Variants in SLC35A3 observed in about 807,000 individuals in gnomAD.
SLC35A3 encodes the protein UDP-N-acetylglucosamine transporter.
Under a neutral mutation model 39.0 loss-of-function variants are expected in SLC35A3, and 26 were observed. That is an observed-to-expected ratio of 0.67 (90% CI 0.49 to 0.92). The LOEUF (loss-of-function observed/expected upper bound fraction) is 0.92, where lower values mean the gene tolerates loss of function less well. Ranked by LOEUF, SLC35A3 falls within the 40% of genes least tolerant of loss-of-function variation. The pLI, the probability that SLC35A3 is intolerant of heterozygous loss-of-function variation, is 0.00. For missense variants in SLC35A3, 299 were observed against 371.6 expected (o/e 0.80, Z 1.61); for synonymous variants, 135 against 133.1 (o/e 1.01, Z -0.10).
In SLC35A3 at chr1:100,007,103, G is replaced by A; in HGVS notation, c.412G>A (p.Val138Ile). 6.2e-7 allele frequency: 1 copy of A among 1,612,584 alleles called. No homozygotes were observed. ...GTCTATGCTTAGTAAAAAATTGGGTGTATACCAGTGGCTGTCCCTAGTAAT... is the reference window on the plus strand; with the variant it reads ...GTCTATGCTTAGTAAAAAATTGGGTATATACCAGTGGCTGTCCCTAGTAAT... ...SVSMLSKKLG[V>I]YQWLSLVILM... The change falls in exon 4 of 8, where the codon GTA (valine) becomes ATA (isoleucine). Residue 138 changes from valine to isoleucine, a missense_variant. Physicochemically the swap from Val to Ile is conservative, Grantham distance 29. Transcript: ENST00000533028.
chr1:99,976,546 G>A (rs1570562440), intron 1 of SLC35A3, among the ~76,000 whole-genome samples: 1 of 152,092 alleles, frequency 6.6e-6, no homozygotes, highest in African/African-American at 2.4e-5. Flanking sequence ...CAATAGCAAA[G>A]ACATAGAATC....
At chr1:100,006,972 A>G in intron 3 of SLC35A3, 62 bp from the exon 4 acceptor site, 3 of 1,496,612 alleles carry the variant, frequency 2.0e-6, no homozygotes, top group Non-Finnish European at 2.7e-6. Flanking sequence ...TTCTAATAGT[A>G]CTCTTAAGGA....
chr1:100,015,775 T>C (rs2101430516), intron 6 of SLC35A3: 1 of 222,776 alleles, frequency 4.5e-6, no homozygotes, highest in East Asian at 9.2e-5. Context: ...GATCTAGATA[T>C]TTAATTCTGT....
At chr1:100,018,593 G>C (rs1051912335) in intron 7 of SLC35A3, among the ~76,000 whole-genome samples, 1 of 152,098 alleles carries the variant, frequency 6.6e-6, no homozygotes, top group African/African-American at 2.4e-5. Context: ...GCAGTGGCGT[G>C]ATCGTAGCCC....
intron 2 of SLC35A3, among the ~76,000 whole-genome samples, chr1:99,995,447 C>T (rs1658351620): frequency 6.6e-6 from 1 of 152,060 alleles, no homozygotes; most frequent in South Asian, 2.1e-4. Context: ...GCCACCACAC[C>T]TGGCCCTTTT....
Position 100,027,194 on chromosome 1 carries a change from G to C in SLC35A3, c.*4718G>C. 1 of 398,592 alleles carries C rather than the reference G, an allele frequency of 2.5e-6. No individual in the cohort carries two copies. The highest frequency in any genetic ancestry group is 4.4e-6 in the Non-Finnish European group (1 of 226,068). 24.7% of individuals were successfully genotyped at this position (398,592 alleles called of 1,614,324 possible). A position where few individuals can be genotyped will look rare whatever the true frequency, so the allele number is the denominator to read the frequency against. ...TGGCCAGGTGCAGTGGCTCATTCCT[G>C]TAATCCCAACACTTTAGGAAGCCAA... is the stretch of plus-strand genomic sequence containing the variant. On this transcript the variant is annotated 3_prime_UTR_variant, in exon 8 of 8. Coordinates refer to ENST00000533028, the MANE Select transcript of SLC35A3 (RefSeq NM_012243.3).
rs144002752 is a variant in SLC35A3 at position 100,035,192 on chromosome 1, C to A, written c.*12716C>A. The A allele has an allele frequency of 6.6e-6, 1 of 152,270 alleles. No homozygotes were observed. Among genetic ancestry groups the A allele is most frequent in the East Asian group, 1.9e-4 (1 of 5,186 alleles). The allele number at this position is 152,270 out of a possible 1,614,324, so 9.4% of individuals were successfully genotyped here. ...GGTTATCATCCTCCCCATACATCAT[C>A]TCTAGATTATTTATAGTACTTAATA... On this transcript the variant is annotated 3_prime_UTR_variant, in exon 8 of 8. Transcript: ENST00000533028.
intron 3 of SLC35A3, among the ~76,000 whole-genome samples, chr1:100,006,631 G>T (rs1659250427): frequency 6.6e-6 from 1 of 152,154 alleles, no homozygotes; most frequent in Non-Finnish European, 1.5e-5. Flanking sequence ...CTGGAGGCCT[G>T]TGCAAGGACA....
chr1:99,980,736 T>TAA (rs140666492), intron 1 of SLC35A3, among the ~76,000 whole-genome samples: 15,999 of 152,182 alleles, frequency 0.11, 1,344 homozygotes, highest in African/African-American at 0.23. Flanking sequence ...CTGTAAGTTA[T>TAA]AGAGTTGGTT....
At chr1:100,016,278 A>G (rs1660105981) in intron 6 of SLC35A3, among the ~76,000 whole-genome samples, 1 of 151,312 alleles carries the variant, frequency 6.6e-6, no homozygotes, top group African/African-American at 2.4e-5. Context: ...GTTAGCCAGG[A>G]TGATCTCGAT....
In SLC35A3 at chr1:100,017,726, T is replaced by C. The variant is rs750680399; in HGVS notation, c.798T>C (p.Asp266=). Residue 266 remains aspartate (D), a synonymous_variant, in exon 7 of 8, where the codon GAT becomes GAC. Coordinates refer to ENST00000533028, the MANE Select transcript of SLC35A3 (RefSeq NM_012243.3). ...TAGCTGCTGTTATTAAGTATGCAGA[T>C]AATATTTTAAAAGGATTTGCAACCT... ...LVIAAVIKYA[D]NILKGFATSL... The C allele has an allele frequency of 4.4e-6, 7 of 1,577,518 alleles. No individual in the cohort carries two copies. Among genetic ancestry groups the C allele is most frequent in the Non-Finnish European group, 6.0e-6 (7 of 1,163,000 alleles).
intron 1 of SLC35A3, among the ~76,000 whole-genome samples, chr1:99,979,440 T>A (rs1657313605): frequency 6.6e-6 from 1 of 150,518 alleles, no homozygotes; most frequent in Admixed American, 6.6e-5. Context: ...CTTTTTTTTT[T>A]TTTTTTTATT....
Position 100,033,017 on chromosome 1 carries a change from T to C in SLC35A3, c.*10541T>C, listed in dbSNP as rs2101559627. 1 of 152,358 alleles carries C rather than the reference T, an allele frequency of 6.6e-6. No individual in the cohort carries two copies. Among genetic ancestry groups the C allele is most frequent in the Non-Finnish European group, 1.5e-5 (1 of 68,034 alleles). The allele number at this position is 152,358 out of a possible 1,614,324, so 9.4% of individuals were successfully genotyped here. A position where few individuals can be genotyped will look rare whatever the true frequency, so the allele number is the denominator to read the frequency against. ...GAGTGGGATTTATTTAATTTTTTCT[T>C]TGGAGTCCTTCTAGCCAGTGAATGG... is the stretch of plus-strand genomic sequence containing the variant. On this transcript the variant is annotated 3_prime_UTR_variant, in exon 8 of 8. Transcript: ENST00000533028.
At chr1:100,014,329 T>A (rs995456347) in intron 5 of SLC35A3, among the ~76,000 whole-genome samples, 8 of 152,210 alleles carry the variant, frequency 5.3e-5, no homozygotes, top group Admixed American at 2.0e-4. Context: ...CAAGTGATTG[T>A]CCCTCCTCAG....
intron 1 of SLC35A3, chr1:99,993,008 G>C (rs1658177932): frequency 6.5e-6 from 1 of 152,720 alleles, no homozygotes; most frequent in African/African-American, 2.4e-5. Context: ...AGGATGGTCA[G>C]TAAAGTTCTT....
chr1:100,025,800 A>G lies in SLC35A3; in HGVS notation c.*3324A>G, dbSNP rs1429723529. ...TATACTTTTTATTTGTTATCACGCA[A>G]CTACTTTGTTCAATGTGAAAATGTG... On this transcript the variant is annotated 3_prime_UTR_variant, in exon 8 of 8. Coordinates refer to ENST00000533028, the MANE Select transcript of SLC35A3 (RefSeq NM_012243.3). 1 of 152,170 alleles carries G rather than the reference A, an allele frequency of 6.6e-6. No individual in the cohort carries two copies. Among genetic ancestry groups the G allele is most frequent in the Non-Finnish European group, 1.5e-5 (1 of 68,022 alleles). 9.4% of individuals were successfully genotyped at this position (152,170 alleles called of 1,614,324 possible).
intron 1 of SLC35A3, 196 bp downstream of exon 1, chr1:99,970,358 C>CGG: frequency 3.4e-6 from 2 of 591,244 alleles, no homozygotes; most frequent in Non-Finnish European, 6.0e-6. Flanking sequence ...GATGAGGTGA[C>CGG]ACGTTGTAAC....
At chr1:99,973,757 C>T (rs1283246858) in intron 1 of SLC35A3, among the ~76,000 whole-genome samples, 6 of 152,224 alleles carry the variant, frequency 3.9e-5, no homozygotes, top group Non-Finnish European at 8.8e-5. Context: ...TGGCTCATGC[C>T]TGTAATCCCA....
intron 1 of SLC35A3, among the ~76,000 whole-genome samples, chr1:99,987,419 C>A (rs550952205): frequency 6.6e-6 from 1 of 151,172 alleles, no homozygotes; most frequent in African/African-American, 2.4e-5. Context: ...TGCTTAAGAT[C>A]GTTTTTTCCA....
Sources: allele counts gnomAD v4.1 joint callset (sites outside exome capture counted in the v4.1 genomes callset), GRCh38; gene constraint gnomAD v4.1.1; transcripts MANE v1.5; gene names NCBI Gene and HGNC (gene_info 2026-07-23, HGNC 2026-07-21).